TMCO1: variants seen among roughly 807,000 people sequenced by gnomAD.
TMCO1 encodes calcium load-activated calcium channel.
Under a neutral mutation model 29.3 loss-of-function variants are expected in TMCO1, and 29 were observed. The ratio of observed to expected loss-of-function variants is 0.99; its 90% CI spans 0.74 to 1.35. TMCO1 has a LOEUF of 1.35. Ranked by LOEUF, TMCO1 falls within the 40% of genes most tolerant of loss-of-function variation. The pLI, the probability that TMCO1 is intolerant of heterozygous loss-of-function variation, is 0.00. For missense variants in TMCO1, 173 were observed against 225.5 expected (o/e 0.77, Z 1.49); for synonymous variants, 80 against 77.1 (o/e 1.04, Z -0.20).
rs375235802 is a variant in TMCO1 at position 165,743,151 on chromosome 1, A to G, written c.468+16T>C. On this transcript the variant is annotated intron_variant, in intron 6 of 6. Coordinates refer to ENST00000367881, the MANE Select transcript of TMCO1 (RefSeq NM_019026.6). ...AGGAAAAATATACATATTAAATGGT[A>G]GATGTGATCACTCACCTGTCGAATC... 75 of 1,613,782 alleles carry G rather than the reference A, an allele frequency of 4.6e-5. No individual in the cohort carries two copies. In the African/African-American group the frequency reaches 7.2e-4, roughly 15 times the overall value.
intron 6 of TMCO1, among the ~76,000 whole-genome samples, chr1:165,732,054 G>C (rs971497462): frequency 1.3e-5 from 2 of 152,156 alleles, no homozygotes; most frequent in Admixed American, 1.3e-4. Context: ...GATTTCCCCT[G>C]CTTTTCCATC....
At chr1:165,744,931 G>A (rs937340795) in intron 5 of TMCO1, among the ~76,000 whole-genome samples, 1 of 152,058 alleles carries the variant, frequency 6.6e-6, no homozygotes, top group Non-Finnish European at 1.5e-5. Context: ...GGCAGTCTGG[G>A]AGTTCAAGTC....
chr1:165,737,572 AC>A lies in TMCO1; in HGVS notation c.468+5594del, dbSNP rs1262386279. Among the ~76,000 whole-genome samples, 4 of 152,342 alleles carry A rather than the reference AC, an allele frequency of 2.6e-5. No individual in the cohort carries two copies. The East Asian group carries it at 7.7e-4, about 29-fold the overall frequency. On this transcript the variant is annotated intron_variant, in intron 6 of 6. Coordinates refer to ENST00000367881, the MANE Select transcript of TMCO1 (RefSeq NM_019026.6). ...GCACATCACAGTCAAATTTCTGAGA[AC>A]CAATCTCAAAGAGAAAATCTGAAAG...
Position 165,743,660 on chromosome 1 carries a change from T to C in TMCO1, c.324-349A>G, listed in dbSNP as rs1236880244. ...AATTAAAAATGAGAAATGTTTAATA[T>C]TTATTTTTTTTGAGACGGAGTCTTG... On this transcript the variant is annotated intron_variant, in intron 5 of 6. Transcript: ENST00000367881. Among the ~76,000 whole-genome samples, 13 of 152,176 alleles carry C rather than the reference T, an allele frequency of 8.5e-5. No homozygotes were observed. In the South Asian group the frequency reaches 1.7e-3, roughly 19 times the overall value.
chr1:165,731,167 G>A (rs553660294), intron 6 of TMCO1, among the ~76,000 whole-genome samples: 10 of 152,072 alleles, frequency 6.6e-5, no homozygotes, highest in Non-Finnish European at 1.3e-4. Context: ...CCAAAGTGCT[G>A]GAATTACAGG....
chr1:165,744,328 G>A (rs1558034757), intron 5 of TMCO1, among the ~76,000 whole-genome samples: 1 of 152,116 alleles, frequency 6.6e-6, no homozygotes, highest in Non-Finnish European at 1.5e-5. Context: ...TTTTGGCCCA[G>A]TAAAACGAAT....
intron 4 of TMCO1, 141 bp from the exon 5 acceptor site, chr1:165,752,310 A>G (rs891650110): frequency 1.5e-6 from 1 of 665,920 alleles, no homozygotes; most frequent in African/African-American, 1.9e-5. Context: ...GCTGGAGTAC[A>G]GTGGCGCAAT....
intron 6 of TMCO1, among the ~76,000 whole-genome samples, chr1:165,732,406 G>GAAAAAA (rs1651197991): frequency 1.0e-5 from 1 of 100,172 alleles, no homozygotes; most frequent in African/African-American, 3.7e-5. Flanking sequence ...AAAAAAAAAA[G>GAAAAAA]GAATAAAAAA....
intron 2 of TMCO1, among the ~76,000 whole-genome samples, chr1:165,759,955 A>T (rs1652338886): frequency 6.6e-6 from 1 of 152,226 alleles, no homozygotes; most frequent in African/African-American, 2.4e-5. Flanking sequence ...CTCTTATGAC[A>T]GAAGGTAGAA....
downstream of TMCO1, chr1:165,726,350 T>C (rs1165781799): frequency 2.9e-6 from 2 of 678,458 alleles, no homozygotes; most frequent in Non-Finnish European, 5.4e-6. Context: ...TACTTTGTAA[T>C]AAGGAGAACA....
intron 6 of TMCO1, among the ~76,000 whole-genome samples, chr1:165,737,071 A>G (rs1005966118): frequency 2.0e-5 from 3 of 152,192 alleles, no homozygotes; most frequent in Non-Finnish European, 4.4e-5. Context: ...CAGCTTCCTA[A>G]ATGCTGAACA....
chr1:165,744,430 T>G (rs1310620148), intron 5 of TMCO1, among the ~76,000 whole-genome samples: 1 of 152,170 alleles, frequency 6.6e-6, no homozygotes, highest in Non-Finnish European at 1.5e-5. Flanking sequence ...GATGACAAAT[T>G]ATCTGTTAGA....
At chr1:165,759,663 C>T (rs1358629516) in intron 2 of TMCO1, 79 bp from the exon 3 acceptor site, 5 of 1,251,824 alleles carry the variant, frequency 4.0e-6, no homozygotes, top group Non-Finnish European at 5.8e-6. Context: ...ACAGCTGAAC[C>T]AATGAAAGAA....
chr1:165,768,718 CGAT>C lies in TMCO1; in HGVS notation c.31_33del (p.Ile11del). On this transcript the variant is annotated inframe_deletion, in exon 1 of 7. Coordinates refer to ENST00000367881, the MANE Select transcript of TMCO1 (RefSeq NM_019026.6). ...AGAGCCGTGCACACAGAGATAAAAA[CGAT>C]GAGGAGAGTGTCCGCGAACATAGTG... 2 of 1,614,166 alleles carry C rather than the reference CGAT, an allele frequency of 1.2e-6. No individual in the cohort carries two copies. Among genetic ancestry groups the C allele is most frequent in the East Asian group, 2.2e-5 (1 of 44,880 alleles).
chr1:165,735,066 T>C (rs1200077567), intron 6 of TMCO1, among the ~76,000 whole-genome samples: 1 of 152,216 alleles, frequency 6.6e-6, no homozygotes, highest in African/African-American at 2.4e-5. Context: ...GAATATTTTC[T>C]GTCTTAGGTT....
intron 2 of TMCO1, among the ~76,000 whole-genome samples, chr1:165,760,291 C>T (rs551795128): frequency 2.6e-5 from 4 of 152,010 alleles, no homozygotes; most frequent in Non-Finnish European, 5.9e-5. Flanking sequence ...ATTAGCTGGG[C>T]GTAGTGGCAT....
chr1:165,746,455 A>T (rs74121465), intron 5 of TMCO1, among the ~76,000 whole-genome samples: 127 of 109,496 alleles, frequency 1.2e-3, no homozygotes, highest in African/African-American at 4.7e-3. Context: ...GACCTATATC[A>T]CACACACACA....
At chr1:165,726,444 T>C (rs1411866620), downstream of TMCO1, 1 of 581,822 alleles carries the variant, frequency 1.7e-6, no homozygotes, top group African/African-American at 1.8e-5. Flanking sequence ...CACATACCCA[T>C]GAGGAGGCTG....
chr1:165,751,239 C>A (rs370762009), intron 5 of TMCO1, among the ~76,000 whole-genome samples: 1 of 152,094 alleles, frequency 6.6e-6, no homozygotes, highest in Admixed American at 6.6e-5. Flanking sequence ...AGCAAAAGAT[C>A]TTTTTATGAC....
Sources: gnomAD v4.1 joint callset for allele counts (sites outside exome capture counted in the v4.1 genomes callset) on GRCh38, gnomAD v4.1.1 for gene constraint, MANE v1.5 for transcripts, NCBI Gene and HGNC (gene_info 2026-07-23, HGNC 2026-07-21) for gene names.